ADGRB3: variants seen among roughly 807,000 people sequenced by gnomAD.
ADGRB3 encodes the protein brain-specific angiogenesis inhibitor 3.
In ADGRB3, 37 loss-of-function variants were observed where a neutral mutation model predicts 193.4. That is an observed-to-expected ratio of 0.19 (90% CI 0.15 to 0.25). The LOEUF (loss-of-function observed/expected upper bound fraction) is 0.25. Among genes scored for constraint, ADGRB3 ranks in the 10% least tolerant of loss-of-function variants. The probability of loss-of-function intolerance (pLI) is 1.00; values close to 1 mark genes in which losing one functional copy is unlikely to be tolerated. For missense variants in ADGRB3, 1,637 were observed against 1,852.9 expected (o/e 0.88, Z 2.14); for synonymous variants, 690 against 644.2 (o/e 1.07, Z -1.08).
chr6:68,759,985 A>G (rs548850748), intron 3 of ADGRB3, among the ~76,000 whole-genome samples: 88 of 152,248 alleles, frequency 5.8e-4, no homozygotes, highest in Non-Finnish European at 1.0e-3. Context: ...GTATGATACT[A>G]TATTTTTGGT....
chr6:68,831,464 T>C (rs1767951639), intron 3 of ADGRB3, among the ~76,000 whole-genome samples: 1 of 152,146 alleles, frequency 6.6e-6, no homozygotes, highest in Non-Finnish European at 1.5e-5. Context: ...TTTATCAGAT[T>C]TCTCAGAACA....
intron 8 of ADGRB3, among the ~76,000 whole-genome samples, chr6:68,962,151 A>G (rs1239835957): frequency 6.6e-6 from 1 of 152,176 alleles, no homozygotes; most frequent in African/African-American, 2.4e-5. Flanking sequence ...CTTCAGATAA[A>G]TAGTAAAAAG....
chr6:68,890,929 T>G (rs1582288961), intron 3 of ADGRB3, among the ~76,000 whole-genome samples: 1 of 152,252 alleles, frequency 6.6e-6, no homozygotes, highest in East Asian at 1.9e-4. Context: ...TGGGGCAGCT[T>G]TTTGGAATAG....
chr6:69,216,635 A>G (rs977767731), intron 17 of ADGRB3, among the ~76,000 whole-genome samples: 2 of 152,194 alleles, frequency 1.3e-5, no homozygotes, highest in Non-Finnish European at 2.9e-5. Context: ...AAGAACACAG[A>G]AAATGAAGCC....
At chr6:68,799,711 A>T (rs1435899310) in intron 3 of ADGRB3, among the ~76,000 whole-genome samples, 2 of 152,214 alleles carry the variant, frequency 1.3e-5, no homozygotes, top group Non-Finnish European at 2.9e-5. Context: ...GGCCATGGTT[A>T]AAAAAGATCC....
intron 17 of ADGRB3, among the ~76,000 whole-genome samples, chr6:69,117,448 T>A (rs1240342134): frequency 1.3e-5 from 2 of 152,206 alleles, no homozygotes; most frequent in East Asian, 3.8e-4. Context: ...ACATTAATAT[T>A]TCTTTGTCTT....
intron 17 of ADGRB3, among the ~76,000 whole-genome samples, chr6:69,230,947 A>G (rs1766121331): frequency 6.6e-6 from 1 of 152,256 alleles, no homozygotes; most frequent in Admixed American, 6.5e-5. Flanking sequence ...ATATAGTTCT[A>G]AAGAATGATA....
chr6:68,877,212 A>G (rs891900867), intron 3 of ADGRB3, among the ~76,000 whole-genome samples: 1 of 152,032 alleles, frequency 6.6e-6, no homozygotes, highest in African/African-American at 2.4e-5. Context: ...AAATTATATG[A>G]TTGGATTCTT....
At chr6:68,992,909 A>AT (rs901116418) in intron 10 of ADGRB3, among the ~76,000 whole-genome samples, 17 of 104,836 alleles carry the variant, frequency 1.6e-4, no homozygotes, top group South Asian at 6.0e-4. Context: ...TGATTATTTC[A>AT]TTTTTTTTTA....
At chr6:68,834,964 G>A (rs1487291274) in intron 3 of ADGRB3, among the ~76,000 whole-genome samples, 5 of 151,486 alleles carry the variant, frequency 3.3e-5, no homozygotes, top group Admixed American at 1.3e-4. Flanking sequence ...TTGAAAATAT[G>A]TGAGTTAAAA....
chr6:69,318,810 T>C (rs1202931514), intron 20 of ADGRB3, among the ~76,000 whole-genome samples: 4 of 150,734 alleles, frequency 2.7e-5, no homozygotes, highest in Non-Finnish European at 5.9e-5. Context: ...AAAACGTCCA[T>C]TTTATGTAGC....
chr6:69,093,768 G>A (rs1215987737), intron 17 of ADGRB3, among the ~76,000 whole-genome samples: 2 of 151,992 alleles, frequency 1.3e-5, no homozygotes, highest in South Asian at 2.1e-4. Flanking sequence ...AGTTCAGGGG[G>A]ATAGGAGTGG....
chr6:68,789,826 A>C (rs183988329), intron 3 of ADGRB3, among the ~76,000 whole-genome samples: 278 of 152,188 alleles, frequency 1.8e-3, no homozygotes, highest in African/African-American at 5.5e-3. Flanking sequence ...ACATAGTCCC[A>C]TATTTCTTGG....
At chr6:68,656,883 CT>C (rs1768502277) in intron 3 of ADGRB3, among the ~76,000 whole-genome samples, 1 of 151,502 alleles carries the variant, frequency 6.6e-6, no homozygotes, top group African/African-American at 2.4e-5. Context: ...GAAATCATAT[CT>C]ATTCTTTCTT....
chr6:68,961,102 C>T lies in ADGRB3; in HGVS notation c.1525+4293C>T, dbSNP rs868832288. Among the ~76,000 whole-genome samples the T allele has an allele frequency of 2.6e-5, 4 of 152,152 alleles. 1 individual carries two copies. The highest frequency in any genetic ancestry group is 6.8e-3 in the Middle Eastern group (2 of 294). ...ATTGGTTGATAATGAAAACACAATT[C>T]ATTTTGAATGCCTCTAGCCAACTCA... On this transcript the variant is annotated intron_variant, in intron 8 of 31. Coordinates refer to ENST00000370598, the MANE Select transcript of ADGRB3 (RefSeq NM_001704.3).
At chr6:69,264,340 A>G (rs1426910747) in intron 20 of ADGRB3, among the ~76,000 whole-genome samples, 1 of 151,930 alleles carries the variant, frequency 6.6e-6, no homozygotes, top group Non-Finnish European at 1.5e-5. Flanking sequence ...CTAAAAAACT[A>G]TCAGTGTGAT....
intron 20 of ADGRB3, among the ~76,000 whole-genome samples, chr6:69,242,696 C>A (rs1245831006): frequency 6.6e-6 from 1 of 151,822 alleles, no homozygotes; most frequent in Non-Finnish European, 1.5e-5. Context: ...AAGTAAGGAA[C>A]CAAGTGCATT....
intron 17 of ADGRB3, among the ~76,000 whole-genome samples, chr6:69,169,032 G>A (rs1775203402): frequency 6.6e-6 from 1 of 151,872 alleles, no homozygotes; most frequent in Admixed American, 6.6e-5. Flanking sequence ...TTTTTCCAAT[G>A]ATGTAATGAA....
intron 3 of ADGRB3, among the ~76,000 whole-genome samples, chr6:68,769,645 G>A (rs906307324): frequency 2.0e-5 from 3 of 152,006 alleles, no homozygotes; most frequent in African/African-American, 7.2e-5. Context: ...TATGTAAGAA[G>A]TCTGCACCTT....
Sources: gnomAD v4.1 joint callset for allele counts (sites outside exome capture counted in the v4.1 genomes callset) on GRCh38, gnomAD v4.1.1 for gene constraint, MANE v1.5 for transcripts, NCBI Gene and HGNC (gene_info 2026-07-23, HGNC 2026-07-21) for gene names.